The following HECW2 variants were observed in gnomAD, a reference collection of about 807,000 sequenced individuals.
The protein encoded by HECW2 is HECT, C2 and WW domain containing E3 ubiquitin protein ligase 2, also known as E3 ubiquitin-protein ligase HECW2.
A neutral mutation model predicts 175.2 loss-of-function variants in HECW2; 61 were observed. That is an observed-to-expected ratio of 0.35 (90% CI 0.28 to 0.43). HECW2 has a LOEUF of 0.43. Among genes scored for constraint, HECW2 ranks in the 20% least tolerant of loss-of-function variants. HECW2 has a pLI of 1.00. For missense variants in HECW2, 1,524 were observed against 2,000.5 expected (o/e 0.76, Z 4.54); for synonymous variants, 671 against 731.0 (o/e 0.92, Z 1.32).
intron 17 of HECW2, chr2:196,264,041 C>A (rs1689413451): frequency 6.6e-6 from 1 of 151,912 alleles, no homozygotes; most frequent in Admixed American, 6.6e-5. Context: ...GCAAGTTGTT[C>A]TAAATCAACT....
intron 26 of HECW2, 33 bp downstream of exon 26, chr2:196,220,006 T>A (rs1687610000): frequency 7.2e-7 from 1 of 1,380,370 alleles, no homozygotes; most frequent in South Asian, 1.2e-5. Flanking sequence ...AATTTGAAAT[T>A]TAAAATCTAG....
intron 18 of HECW2, among the ~76,000 whole-genome samples, chr2:196,254,293 C>G (rs1441495284): frequency 6.6e-6 from 1 of 152,092 alleles, no homozygotes; most frequent in Non-Finnish European, 1.5e-5. Context: ...TTTGAGTGTA[C>G]ATGTTTGTTT....
intron 13 of HECW2, among the ~76,000 whole-genome samples, chr2:196,301,781 T>C (rs981759326): frequency 1.3e-5 from 2 of 151,932 alleles, no homozygotes; most frequent in Non-Finnish European, 2.9e-5. Context: ...CTCTGGACAT[T>C]AGACCTTTGT....
At position 196,286,387 on chromosome 2, in the gene HECW2, C is replaced by CATATATATATATAT. The variant is rs201658582; in HGVS notation, c.3000+6164_3000+6177dup. 4.7e-3 allele frequency among the ~76,000 whole-genome samples: 648 copies of CATATATATATATAT among 137,696 alleles called. 13 individuals carry two copies. The highest frequency in any genetic ancestry group is 7.8e-3 in the Middle Eastern group (2 of 258). The allele number at this position is 137,696 out of a possible 152,430, so 90.3% of individuals were successfully genotyped here. On this transcript the variant is annotated intron_variant, in intron 14 of 28. Coordinates refer to ENST00000644978, the MANE Select transcript of HECW2 (RefSeq NM_001348768.2). Reference sequence around the variant, plus strand: ...TATATATATATTTTAAGATGGAGGTCATATATATATATATTTAAATCCATG... The same window carrying CATATATATATATAT: ...TATATATATATTTTAAGATGGAGGTCATATATATATATATATATATATATATATTTAAATCCATG...
At chr2:196,361,977 G>A (rs1693601894) in intron 2 of HECW2, 1 of 985,300 alleles carries the variant, frequency 1.0e-6, no homozygotes, top group African/African-American at 1.7e-5. Flanking sequence ...CGGGTCTGGA[G>A]TTCTAAGGTG....
At chr2:196,518,226 T>A (rs1382916456) in intron 1 of HECW2, among the ~76,000 whole-genome samples, 2 of 152,048 alleles carry the variant, frequency 1.3e-5, no homozygotes, top group Non-Finnish European at 2.9e-5. Flanking sequence ...TAAAATATAA[T>A]AGAAAAACAA....
intron 19 of HECW2, among the ~76,000 whole-genome samples, chr2:196,248,961 G>C (rs1294777563): frequency 2.6e-4 from 40 of 152,096 alleles, no homozygotes; most frequent in Admixed American, 2.6e-3. Flanking sequence ...AGTAACAAGA[G>C]CTCTGCATCA....
At chr2:196,503,209 C>T (rs960572235) in intron 1 of HECW2, among the ~76,000 whole-genome samples, 1 of 152,080 alleles carries the variant, frequency 6.6e-6, no homozygotes, top group African/African-American at 2.4e-5. Flanking sequence ...CCAGTAGGAA[C>T]CCCCACAAAG....
intron 17 of HECW2, among the ~76,000 whole-genome samples, chr2:196,270,903 G>C (rs1689706050): frequency 1.3e-5 from 2 of 152,028 alleles, no homozygotes; most frequent in East Asian, 1.9e-4. Context: ...ACCATGTTGG[G>C]CAGGATGGTC....
intron 1 of HECW2, among the ~76,000 whole-genome samples, chr2:196,576,549 T>C (rs534152960): frequency 2.0e-5 from 3 of 152,094 alleles, no homozygotes; most frequent in Non-Finnish European, 2.9e-5. Flanking sequence ...TTGCCAGGAA[T>C]TGGGAAGGTG....
intron 28 of HECW2, among the ~76,000 whole-genome samples, 177 bp from the exon 29 acceptor site, chr2:196,201,565 A>T (rs1686861249): frequency 6.6e-6 from 1 of 152,170 alleles, no homozygotes; most frequent in African/African-American, 2.4e-5. Flanking sequence ...GACCTTAAAA[A>T]TTCAGAACTG....
At chr2:196,333,756 G>T (rs1178479132) in intron 4 of HECW2, among the ~76,000 whole-genome samples, 1 of 152,294 alleles carries the variant, frequency 6.6e-6, no homozygotes, top group East Asian at 1.9e-4. Context: ...TGCCATGTTG[G>T]AAATGGGCAG....
At chr2:196,344,252 C>T (rs544716506) in intron 2 of HECW2, among the ~76,000 whole-genome samples, 34 of 142,346 alleles carry the variant, frequency 2.4e-4, no homozygotes, top group African/African-American at 8.8e-4. Flanking sequence ...GGAACACAAA[C>T]CAAGTTCATC....
At chr2:196,285,664 T>C (rs929374688) in intron 14 of HECW2, among the ~76,000 whole-genome samples, 2 of 152,194 alleles carry the variant, frequency 1.3e-5, no homozygotes, top group Non-Finnish European at 2.9e-5. Flanking sequence ...GGAATAAACA[T>C]GCTATTATTT....
At chr2:196,297,155 T>C (rs1367059592) in intron 13 of HECW2, among the ~76,000 whole-genome samples, 3 of 152,218 alleles carry the variant, frequency 2.0e-5, no homozygotes, top group Non-Finnish European at 2.9e-5. Context: ...TTGTTAATAG[T>C]AGACAAAGCC....
chr2:196,272,497 T>TA (rs1291107115), intron 16 of HECW2, among the ~76,000 whole-genome samples: 4 of 152,308 alleles, frequency 2.6e-5, no homozygotes, highest in Middle Eastern at 3.4e-3. Context: ...TCTAAATTCT[T>TA]AAACATCAGA....
At chr2:196,505,475 G>A (rs756194931) in intron 1 of HECW2, among the ~76,000 whole-genome samples, 2 of 152,062 alleles carry the variant, frequency 1.3e-5, no homozygotes, top group Non-Finnish European at 2.9e-5. Flanking sequence ...AGGAGGTGGA[G>A]GCTGCAGTGA....
intron 2 of HECW2, among the ~76,000 whole-genome samples, chr2:196,351,181 C>CT (rs150540234): frequency 0.034 from 5,120 of 150,554 alleles, 234 homozygotes; most frequent in African/African-American, 0.11. Flanking sequence ...AAAACTAATT[C>CT]TTTTTTTTTA....
intron 21 of HECW2, among the ~76,000 whole-genome samples, chr2:196,229,568 T>G (rs1375747010): frequency 6.6e-6 from 1 of 152,138 alleles, no homozygotes; most frequent in Non-Finnish European, 1.5e-5. Context: ...TAGTCCCAGC[T>G]ACTTGGGAGG....
Sources: allele counts gnomAD v4.1 joint callset (sites outside exome capture counted in the v4.1 genomes callset), GRCh38; gene constraint gnomAD v4.1.1; transcripts MANE v1.5; gene names NCBI Gene and HGNC (gene_info 2026-07-23, HGNC 2026-07-21).